The following ANKS1B variants were observed in gnomAD, a reference collection of about 807,000 sequenced individuals.
ANKS1B encodes ankyrin repeat and sterile alpha motif domain containing 1B.
Under a neutral mutation model 148.3 loss-of-function variants are expected in ANKS1B, and 36 were observed. The observed-to-expected ratio is 0.24, with a 90% CI of 0.19 to 0.32. The LOEUF is 0.32. Ranked by LOEUF, ANKS1B falls within the 10% of genes least tolerant of loss-of-function variation. The pLI is 1.00. For missense variants in ANKS1B, 1,157 were observed against 1,542.6 expected (o/e 0.75, Z 4.19); for synonymous variants, 542 against 560.8 (o/e 0.97, Z 0.47).
chr12:98,945,293 C>T (rs1052500020), intron 17 of ANKS1B, among the ~76,000 whole-genome samples: 2 of 151,964 alleles, frequency 1.3e-5, no homozygotes, highest in Non-Finnish European at 2.9e-5. Context: ...CTCAGGAGTT[C>T]GAGACCAGCC....
rs761299240 is a variant in ANKS1B, at chr12:99,246,265, C to T, written c.2346+10G>A. The T allele has an allele frequency of 1.8e-5, 28 of 1,540,666 alleles. No homozygotes were observed. Among genetic ancestry groups the T allele is most frequent in the Non-Finnish European group, 2.2e-5 (25 of 1,143,540 alleles). On this transcript the variant is annotated intron_variant, in intron 13 of 26. Transcript: ENST00000683438. Reference sequence around the variant, plus strand: ...CTTATAGGATGAACAGCAAGAAGAACAAAGCTTACTTCTTCCCATTCCGAT... The same window carrying T: ...CTTATAGGATGAACAGCAAGAAGAATAAAGCTTACTTCTTCCCATTCCGAT...
chr12:99,747,315 A>G (rs758191274), intron 8 of ANKS1B, among the ~76,000 whole-genome samples: 15 of 152,036 alleles, frequency 9.9e-5, no homozygotes, highest in Non-Finnish European at 1.8e-4. Flanking sequence ...GTTGCAGAAG[A>G]GAGTGATCCC....
chr12:99,461,126 G>A (rs1449714019), intron 10 of ANKS1B, among the ~76,000 whole-genome samples: 14 of 151,980 alleles, frequency 9.2e-5, no homozygotes, highest in Admixed American at 7.9e-4. Context: ...AATGGCATTT[G>A]CAGCAACCTG....
At chr12:99,664,057 T>C (rs2098492398) in intron 8 of ANKS1B, among the ~76,000 whole-genome samples, 1 of 152,118 alleles carries the variant, frequency 6.6e-6, no homozygotes, top group South Asian at 2.1e-4. Flanking sequence ...TATTTCAATA[T>C]TAGAAAGAGC....
intron 4 of ANKS1B, among the ~76,000 whole-genome samples, chr12:99,796,359 T>C (rs2153651004): frequency 6.6e-6 from 1 of 152,102 alleles, no homozygotes; most frequent in Admixed American, 6.6e-5. Context: ...TGACTGCAGG[T>C]ATCTGAAACA....
At chr12:99,660,128 A>G (rs2098469087) in intron 8 of ANKS1B, among the ~76,000 whole-genome samples, 1 of 152,122 alleles carries the variant, frequency 6.6e-6, no homozygotes, top group Non-Finnish European at 1.5e-5. Context: ...TGCTTTATAG[A>G]TTTTTCAATG....
intron 8 of ANKS1B, among the ~76,000 whole-genome samples, chr12:99,770,787 A>T (rs1420766370): frequency 1.3e-5 from 2 of 152,106 alleles, no homozygotes; most frequent in Non-Finnish European, 2.9e-5. Flanking sequence ...TATTCTTCCA[A>T]ATAAACAGAA....
intron 17 of ANKS1B, among the ~76,000 whole-genome samples, chr12:98,882,578 T>G (rs2099710921): frequency 6.6e-6 from 1 of 152,170 alleles, no homozygotes; most frequent in Non-Finnish European, 1.5e-5. Context: ...CTGTGTACTT[T>G]CTCAAGAATG....
chr12:99,687,816 T>C (rs1244370349), intron 8 of ANKS1B, among the ~76,000 whole-genome samples: 1 of 152,226 alleles, frequency 6.6e-6, no homozygotes, highest in African/African-American at 2.4e-5. Flanking sequence ...TCTCTGTTTC[T>C]ACTGATTTAT....
In ANKS1B at chr12:99,829,301, G is replaced by A. The variant is rs147384130; in HGVS notation, c.135-3912C>T. 4.0e-3 allele frequency among the ~76,000 whole-genome samples: 612 copies of A among 152,204 alleles called. 3 individuals carry two copies. The highest frequency in any genetic ancestry group is 0.014 in the African/African-American group (573 of 41,536). On this transcript the variant is annotated intron_variant, in intron 1 of 26. Coordinates refer to ENST00000683438, the MANE Select transcript of ANKS1B (RefSeq NM_001352186.2). ...CAAAGTGGGTGGATTACCCGAGTGA[G>A]GTCAGGAGTTTGAGACAAGCCTGGC...
chr12:99,305,940 A>G (rs2082281296), intron 12 of ANKS1B, among the ~76,000 whole-genome samples: 1 of 152,126 alleles, frequency 6.6e-6, no homozygotes, highest in Non-Finnish European at 1.5e-5. Context: ...GTTGAACTGA[A>G]ATCTATTTTT....
At chr12:99,074,327 CT>C (rs1358430041) in intron 16 of ANKS1B, among the ~76,000 whole-genome samples, 1 of 144,748 alleles carries the variant, frequency 6.9e-6, no homozygotes, top group Non-Finnish European at 1.5e-5. Context: ...AAGATAAATT[CT>C]TAAAAAAAAA....
At chr12:99,003,871 C>T (rs2099934494) in intron 17 of ANKS1B, among the ~76,000 whole-genome samples, 1 of 152,100 alleles carries the variant, frequency 6.6e-6, no homozygotes, top group Non-Finnish European at 1.5e-5. Context: ...ATTATAGAGG[C>T]TTGTACAAGA....
At chr12:98,812,311 G>T (rs991445144) in intron 19 of ANKS1B, among the ~76,000 whole-genome samples, 4 of 152,266 alleles carry the variant, frequency 2.6e-5, no homozygotes, top group Middle Eastern at 3.4e-3. Context: ...GTCACCTACA[G>T]TATTCAGTAT....
intron 17 of ANKS1B, among the ~76,000 whole-genome samples, chr12:98,926,767 G>T (rs1160333304): frequency 6.6e-6 from 1 of 151,922 alleles, no homozygotes; most frequent in Non-Finnish European, 1.5e-5. Context: ...ATATAGTGGG[G>T]CTCAACAGAA....
intron 1 of ANKS1B, among the ~76,000 whole-genome samples, chr12:99,839,480 A>G (rs923210014): frequency 2.0e-5 from 3 of 152,140 alleles, no homozygotes; most frequent in East Asian, 1.9e-4. Flanking sequence ...AAGAAAAAAT[A>G]TAAGTATTAA....
At chr12:99,365,722 G>A (rs1216329563) in intron 12 of ANKS1B, among the ~76,000 whole-genome samples, 2 of 152,036 alleles carry the variant, frequency 1.3e-5, no homozygotes, top group African/African-American at 4.8e-5. Context: ...CTGAATGCTG[G>A]GGAGTCAGAA....
intron 8 of ANKS1B, among the ~76,000 whole-genome samples, chr12:99,712,120 C>T (rs957833143): frequency 3.9e-5 from 6 of 152,158 alleles, no homozygotes; most frequent in Non-Finnish European, 8.8e-5. Flanking sequence ...TGCCTGTTCG[C>T]ACTTACAAGT....
rs191498714 is a variant in ANKS1B at position 99,323,069 on chromosome 12, A to C, written c.1757-76205T>G. ...GTCTTTATCAGTAGTGTGAGAATGA[A>C]CTAATACACTCAGCTTGAGTTGCTC... On this transcript the variant is annotated intron_variant, in intron 12 of 26. Coordinates refer to ENST00000683438, the MANE Select transcript of ANKS1B (RefSeq NM_001352186.2). 5.3e-5 allele frequency among the ~76,000 whole-genome samples: 8 copies of C among 152,276 alleles called. No homozygotes were observed. The East Asian group carries it at 1.5e-3, about 29-fold the overall frequency.
Sources: gnomAD v4.1 joint callset for allele counts (sites outside exome capture counted in the v4.1 genomes callset) on GRCh38, gnomAD v4.1.1 for gene constraint, MANE v1.5 for transcripts, NCBI Gene and HGNC (gene_info 2026-07-23, HGNC 2026-07-21) for gene names.